Variants in MTSS2 observed in about 807,000 individuals in gnomAD.
MTSS2 encodes the protein MTSS I-BAR domain containing 2, also known as protein MTSS 2.
Under a neutral mutation model 67.1 loss-of-function variants are expected in MTSS2, and 27 were observed. That is an observed-to-expected ratio of 0.40 (90% confidence interval 0.30 to 0.55). The LOEUF (loss-of-function observed/expected upper bound fraction) is 0.55, where lower values mean the gene tolerates loss of function less well. MTSS2 is among the 20% of genes least tolerant of loss of function. The probability of loss-of-function intolerance (pLI) is 0.43; values close to 1 mark genes in which losing one functional copy is unlikely to be tolerated. For synonymous variants in MTSS2, 624 were observed against 468.6 expected, an observed-to-expected ratio of 1.33 and a Z score of -4.28; for missense variants, 1,171 against 1,067.8, an observed-to-expected ratio of 1.10 and a Z score of -1.35.
chr16:70,685,787 T>C lies in MTSS2; in HGVS notation c.5A>G (p.Glu2Gly), dbSNP rs745904624. The C allele has an allele frequency of 1.3e-5, 17 of 1,354,764 alleles. No homozygotes were observed. The highest frequency in any genetic ancestry group is 1.1e-4 in the South Asian group (8 of 72,306). The allele number at this position is 1,354,764 out of a possible 1,614,324, so 83.9% of individuals were successfully genotyped here. A position where few individuals can be genotyped will look rare whatever the true frequency, so the allele number is the denominator to read the frequency against. Residue 2 changes from glutamate to glycine, a missense_variant, in exon 1 of 15, where the codon GAG (glutamate) becomes GGG (glycine). Coordinates refer to ENST00000338779, the MANE Select transcript of MTSS2 (RefSeq NM_138383.3). METAEKECGALG... is the reference protein window; with the variant it reads MGTAEKECGALG... ...GGCGCCGCACTCCTTCTCCGCCGTC[T>C]CCATGCTCTGGCTGGGCCGGGCCGC...
At chr16:70,665,358 AC>A in intron 12 of MTSS2, 107 bp downstream of exon 12, 1 of 1,215,158 alleles carries the variant, frequency 8.2e-7, no homozygotes, top group Non-Finnish European at 1.1e-6. Flanking sequence ...GTGTGCACGC[AC>A]CCCTGGCTGA....
At chr16:70,679,740 C>A (rs548837819) in intron 5 of MTSS2, 36 bp from the exon 6 acceptor site, 1 of 1,610,200 alleles carries the variant, frequency 6.2e-7, no homozygotes, top group Non-Finnish European at 8.5e-7. Context: ...CTAATGGGGT[C>A]CCTGCGGAGT....
chr16:70,673,060 G>A (rs778090045), intron 11 of MTSS2, among the ~76,000 whole-genome samples: 2 of 152,034 alleles, frequency 1.3e-5, no homozygotes, highest in Admixed American at 1.3e-4. Context: ...GCTTTGGAGG[G>A]TGAGGTGGGA....
Position 70,685,799 on chromosome 16 carries a change from C to T in MTSS2, c.-8G>A. 1.5e-6 allele frequency: 2 copies of T among 1,314,510 alleles called. No individual in the cohort carries two copies. Among genetic ancestry groups the T allele is most frequent in the South Asian group, 3.0e-5 (2 of 66,316 alleles). 81.4% of individuals were successfully genotyped at this position (1,314,510 alleles called of 1,614,324 possible). ...CTTCTCCGCCGTCTCCATGCTCTGG[C>T]TGGGCCGGGCCGCGGCGGCGGCTAG... is the stretch of plus-strand genomic sequence containing the variant. On this transcript the variant is annotated 5_prime_UTR_variant, in exon 1 of 15. Transcript: ENST00000338779.
chr16:70,665,320 G>A (rs1204831694), intron 12 of MTSS2, 146 bp downstream of exon 12: 18 of 996,220 alleles, frequency 1.8e-5, no homozygotes, highest in Admixed American at 2.6e-5. Context: ...GAAATGGCCA[G>A]GTGGCTTGTC....
chr16:70,677,154 G>A (rs181776996), intron 9 of MTSS2, among the ~76,000 whole-genome samples, 176 bp from the exon 10 acceptor site: 1 of 152,288 alleles, frequency 6.6e-6, no homozygotes, highest in East Asian at 1.9e-4. Context: ...AGAGGACACA[G>A]CCTTCTCGGA....
chr16:70,667,878 A>G (rs1026576096), intron 11 of MTSS2, among the ~76,000 whole-genome samples: 27 of 152,186 alleles, frequency 1.8e-4, no homozygotes, highest in South Asian at 4.2e-4. Context: ...GCCTCAGAAA[A>G]AAAACCAAAA....
chr16:70,664,937 C>T lies in MTSS2; in HGVS notation c.1288G>A (p.Ala430Thr). ...CAGCCTACCTTGGCTGCGATGGTGGCAGGGGACATCCGGGGTCGCGGTGCC... is the reference window on the plus strand; with the variant it reads ...CAGCCTACCTTGGCTGCGATGGTGGTAGGGGACATCCGGGGTCGCGGTGCC... ...EEAPRPRMSPATIAAKHGEEV... is the reference protein window; with the variant it reads ...EEAPRPRMSPTTIAAKHGEEV... The change falls in exon 13 of 15, where the codon GCC becomes ACC. Residue 430 changes from alanine to threonine, a missense_variant. Ala to Thr is a moderately conservative substitution (Grantham distance 58). Coordinates refer to ENST00000338779, the MANE Select transcript of MTSS2 (RefSeq NM_138383.3). The T allele has an allele frequency of 3.2e-6, 5 of 1,555,002 alleles. No homozygotes were observed. Among genetic ancestry groups the T allele is most frequent in the Non-Finnish European group, 4.3e-6 (5 of 1,156,578 alleles).
At chr16:70,671,828 G>T (rs1285046326) in intron 11 of MTSS2, among the ~76,000 whole-genome samples, 1 of 152,232 alleles carries the variant, frequency 6.6e-6, no homozygotes, top group Non-Finnish European at 1.5e-5. Flanking sequence ...CAGCATTTAG[G>T]ATGCACTGAC....
intron 7 of MTSS2, 118 bp downstream of exon 7, chr16:70,679,197 C>A: frequency 7.4e-7 from 1 of 1,347,614 alleles, no homozygotes; most frequent in Non-Finnish European, 1.1e-6. Flanking sequence ...GTGGACCGAC[C>A]GCCTTCCTCG....
At chr16:70,672,837 C>A (rs1368674410) in intron 11 of MTSS2, among the ~76,000 whole-genome samples, 3 of 152,006 alleles carry the variant, frequency 2.0e-5, no homozygotes, top group Non-Finnish European at 2.9e-5. Flanking sequence ...TCCCTGAGGA[C>A]AGAATAGAAA....
chr16:70,664,168 G>A lies in MTSS2; in HGVS notation c.1753C>T (p.Pro585Ser), dbSNP rs919328651. The change falls in exon 15 of 15, where the codon CCC (proline) becomes TCC (serine). Residue 585 changes from proline to serine, a missense_variant. This residue lies in a region of MTSS2 where 924 missense variants were observed against 756.0 expected (regional missense o/e 1.22). Transcript: ENST00000338779. Reference protein sequence around the residue: ...RRALSSAGPIPIRPPIVPVKT... With the variant: ...RRALSSAGPISIRPPIVPVKT... ...ACAGGGACGATGGGCGGCCGGATGG[G>A]GATGGGGCCAGCGCTGGACAGGGCG... 1 of 1,606,158 alleles carries A rather than the reference G, an allele frequency of 6.2e-7. No individual in the cohort carries two copies. The highest frequency in any genetic ancestry group is 1.3e-5 in the African/African-American group (1 of 75,040).
In MTSS2 at chr16:70,664,461, G is replaced by GGCC; in HGVS notation, c.1472-13_1472-12insGGC. ...GTCGTAGTCGGAGCCTGGGGGCACG[G>GGCC]GACACAGTGAGGCCCAGGGCCCAGG... On this transcript the variant is annotated splice_polypyrimidine_tract_variant and intron_variant, in intron 14 of 14. Transcript: ENST00000338779. 12 of 1,538,602 alleles carry GGCC rather than the reference G, an allele frequency of 7.8e-6. No homozygotes were observed. Among genetic ancestry groups the GGCC allele is most frequent in the Non-Finnish European group, 9.6e-6 (11 of 1,142,442 alleles).
chr16:70,679,738 G>A (rs2053237041), intron 5 of MTSS2, 34 bp from the exon 6 acceptor site: 5 of 1,610,336 alleles, frequency 3.1e-6, no homozygotes, highest in Non-Finnish European at 4.2e-6. Flanking sequence ...CTCTAATGGG[G>A]TCCCTGCGGA....
intron 1 of MTSS2, among the ~76,000 whole-genome samples, chr16:70,684,408 G>A (rs990375577): frequency 1.3e-5 from 2 of 152,114 alleles, no homozygotes; most frequent in Non-Finnish European, 2.9e-5. Context: ...CGCTAACTGG[G>A]TAGTCCCAGG....
intron 11 of MTSS2, among the ~76,000 whole-genome samples, chr16:70,673,871 G>A (rs1229793321): frequency 6.6e-6 from 1 of 152,020 alleles, no homozygotes; most frequent in Non-Finnish European, 1.5e-5. Flanking sequence ...ACCTATAAAA[G>A]AAAAGAGACA....
intron 11 of MTSS2, among the ~76,000 whole-genome samples, chr16:70,666,077 G>C (rs369292166): frequency 1.2e-4 from 19 of 152,316 alleles, no homozygotes; most frequent in South Asian, 6.2e-4. Flanking sequence ...GGTGGGATGA[G>C]GCCACCAGGC....
intron 2 of MTSS2, 41 bp from the exon 3 acceptor site, chr16:70,680,908 C>CGGGGGGTGGGGG: frequency 8.5e-7 from 1 of 1,174,318 alleles, no homozygotes; most frequent in Non-Finnish European, 1.2e-6. Flanking sequence ...GGTGGTTGGG[C>CGGGGGGTGGGGG]GGGGGGGGGG....
At chr16:70,685,570 G>C (rs1331340164) in intron 1 of MTSS2, among the ~76,000 whole-genome samples, 153 bp downstream of exon 1, 1 of 152,222 alleles carries the variant, frequency 6.6e-6, no homozygotes, top group East Asian at 1.9e-4. Flanking sequence ...CCGGAGACAC[G>C]GGCGCCCAGC....
Sources: allele counts gnomAD v4.1 joint callset (sites outside exome capture counted in the v4.1 genomes callset), GRCh38; gene constraint gnomAD v4.1.1; regional missense constraint gnomAD v4.1.1; transcripts MANE v1.5; gene names NCBI Gene and HGNC (gene_info 2026-07-23, HGNC 2026-07-21).